Variants in OPCML observed in about 807,000 individuals in gnomAD.
OPCML encodes the protein opioid binding protein/cell adhesion molecule like, also known as opioid-binding protein/cell adhesion molecule.
OPCML carries 13 observed loss-of-function variants against 37.8 expected under a neutral mutation model. The ratio of observed to expected loss-of-function variants is 0.34; its 90% CI spans 0.22 to 0.55. The LOEUF is 0.55. OPCML is among the 20% of genes least tolerant of loss of function. OPCML has a pLI of 0.91. For missense variants in OPCML, 341 were observed against 435.6 expected, an observed-to-expected ratio of 0.78 and a Z score of 1.93; for synonymous variants, 176 against 168.8, an observed-to-expected ratio of 1.04 and a Z score of -0.33.
At chr11:133,281,196 G>A (rs991078321) in intron 1 of OPCML, among the ~76,000 whole-genome samples, 1 of 152,124 alleles carries the variant, frequency 6.6e-6, no homozygotes, top group East Asian at 1.9e-4. Flanking sequence ...GATATGGTTT[G>A]GATATTTGTC....
chr11:132,433,114 G>C (rs2136715227), intron 7 of OPCML, among the ~76,000 whole-genome samples: 1 of 152,278 alleles, frequency 6.6e-6, no homozygotes, highest in East Asian at 1.9e-4. Flanking sequence ...GTGAATGCTG[G>C]AGAGGAAGGG....
intron 3 of OPCML, among the ~76,000 whole-genome samples, chr11:132,644,653 G>T (rs533400239): frequency 6.6e-6 from 1 of 152,248 alleles, no homozygotes; most frequent in East Asian, 1.9e-4. Flanking sequence ...ACACACACAG[G>T]CCTGAAAACA....
At chr11:133,390,571 T>C (rs1235721308) in intron 1 of OPCML, among the ~76,000 whole-genome samples, 1 of 152,018 alleles carries the variant, frequency 6.6e-6, no homozygotes, top group Non-Finnish European at 1.5e-5. Context: ...GGTCTTGGGG[T>C]CCAGCCAAGA....
chr11:133,025,021 A>T (rs546089926), intron 1 of OPCML: 3 of 984,178 alleles, frequency 3.0e-6, no homozygotes, highest in Non-Finnish European at 3.6e-6. Flanking sequence ...TCCTCAAACT[A>T]TGCCTTAAGA....
In OPCML at chr11:133,046,190, G is replaced by T. The variant is rs186855819; in HGVS notation, c.62-103180C>A. 1.5e-3 allele frequency among the ~76,000 whole-genome samples: 223 copies of T among 152,318 alleles called. 2 individuals are homozygous for T. The highest frequency in any genetic ancestry group is 0.01 in the Admixed American group (160 of 15,304). ...CAAGTGACTTACCTAGATTCTCTGG[G>T]AAAGCTGAGGAGGAGAACACCATAC... On this transcript the variant is annotated intron_variant, in intron 1 of 7. Coordinates refer to ENST00000524381, the MANE Select transcript of OPCML (RefSeq NM_001012393.5).
chr11:133,175,130 T>C (rs1482789856), intron 1 of OPCML, among the ~76,000 whole-genome samples: 1 of 152,222 alleles, frequency 6.6e-6, no homozygotes, highest in Non-Finnish European at 1.5e-5. Context: ...AGTCACATAA[T>C]AAAAGATTTT....
At chr11:133,172,634 T>C (rs1950303152) in intron 1 of OPCML, among the ~76,000 whole-genome samples, 2 of 152,096 alleles carry the variant, frequency 1.3e-5, no homozygotes, top group South Asian at 4.2e-4. Context: ...GGCGACACAG[T>C]CAGATTTATT....
At chr11:133,108,210 G>C in intron 1 of OPCML, among the ~76,000 whole-genome samples, 1 of 152,144 alleles carries the variant, frequency 6.6e-6, no homozygotes. Context: ...CAGTGTCAAG[G>C]TACACTTTCA....
At chr11:133,422,234 C>G (rs1945903806) in intron 1 of OPCML, 1 of 984,720 alleles carries the variant, frequency 1.0e-6, no homozygotes, top group Admixed American at 6.2e-5. Context: ...CTGAGAGCCC[C>G]TGTACCAGGG....
chr11:133,126,318 C>A (rs1205351756), intron 1 of OPCML, among the ~76,000 whole-genome samples: 1 of 152,074 alleles, frequency 6.6e-6, no homozygotes, highest in African/African-American at 2.4e-5. Flanking sequence ...TCCACTCAGG[C>A]CCTCGATGGA....
chr11:133,209,378 A>C (rs1939255707), intron 1 of OPCML, among the ~76,000 whole-genome samples: 1 of 152,192 alleles, frequency 6.6e-6, no homozygotes, highest in African/African-American at 2.4e-5. Context: ...CACATAAGAA[A>C]AGGCACACTT....
Position 132,982,077 on chromosome 11 carries a change from C to T in OPCML, c.62-39067G>A, listed in dbSNP as rs373452562. Among the ~76,000 whole-genome samples, 18 of 152,180 alleles carry T rather than the reference C, an allele frequency of 1.2e-4. 1 individual carries two copies. In the South Asian group the frequency reaches 3.7e-3, roughly 32 times the overall value. ...TGGATTCTACGGCTCGAATACGGGC[C>T]CTTAAGCTTTTTACATCTGCTCTAC... On this transcript the variant is annotated intron_variant, in intron 1 of 7. Coordinates refer to ENST00000524381, the MANE Select transcript of OPCML (RefSeq NM_001012393.5).
At chr11:132,868,144 T>G (rs1021653523) in intron 2 of OPCML, among the ~76,000 whole-genome samples, 5 of 152,152 alleles carry the variant, frequency 3.3e-5, no homozygotes, top group Non-Finnish European at 5.9e-5. Flanking sequence ...ATTTTCTCAG[T>G]TTCACAAATG....
intron 1 of OPCML, among the ~76,000 whole-genome samples, chr11:133,255,236 G>A (rs938213184): frequency 6.6e-6 from 1 of 152,140 alleles, no homozygotes; most frequent in Non-Finnish European, 1.5e-5. Context: ...CGAAACTGGG[G>A]TATAAAACAC....
intron 1 of OPCML, among the ~76,000 whole-genome samples, chr11:133,495,879 T>C (rs1262964079): frequency 6.6e-6 from 1 of 152,200 alleles, no homozygotes; most frequent in African/African-American, 2.4e-5. Flanking sequence ...CTGTTCCTTT[T>C]GCCCTGCAAA....
chr11:132,929,809 A>T (rs571919252), intron 2 of OPCML, among the ~76,000 whole-genome samples: 1 of 152,182 alleles, frequency 6.6e-6, no homozygotes, highest in African/African-American at 2.4e-5. Context: ...ACAACACATG[A>T]CCATCTGAAT....
At chr11:132,818,616 A>AGATAGATAGAT (rs1555193683) in intron 2 of OPCML, among the ~76,000 whole-genome samples, 2,345 of 137,558 alleles carry the variant, frequency 0.017, 32 homozygotes, top group African/African-American at 0.034. Context: ...GATGATAGAT[A>AGATAGATAGAT]GATAGATAAA....
chr11:133,505,243 A>T (rs983122876), intron 1 of OPCML, among the ~76,000 whole-genome samples: 3 of 152,188 alleles, frequency 2.0e-5, no homozygotes, highest in Admixed American at 6.5e-5. Flanking sequence ...TTTGAGATGG[A>T]TACTGTCTTG....
intron 1 of OPCML, among the ~76,000 whole-genome samples, chr11:133,116,153 G>C (rs1376929191): frequency 6.6e-6 from 1 of 152,046 alleles, no homozygotes; most frequent in African/African-American, 2.4e-5. Flanking sequence ...ATTTTTAGTA[G>C]AGACAGGGTT....
Sources: allele counts gnomAD v4.1 joint callset (sites outside exome capture counted in the v4.1 genomes callset), GRCh38; gene constraint gnomAD v4.1.1; transcripts MANE v1.5; gene names NCBI Gene and HGNC (gene_info 2026-07-23, HGNC 2026-07-21).